Variants in TRIM67 observed in about 807,000 individuals in gnomAD.
TRIM67 encodes tripartite motif containing 67, also known as tripartite motif-containing protein 67.
In TRIM67, 39 loss-of-function variants were observed where a neutral mutation model predicts 71.0. The observed-to-expected ratio is 0.55, with a 90% CI of 0.43 to 0.72. TRIM67 has a LOEUF of 0.72. Ranked by LOEUF, TRIM67 falls within the 30% of genes least tolerant of loss-of-function variation. The pLI is 0.00. For missense variants in TRIM67, 973 were observed against 1,079.2 expected, an observed-to-expected ratio of 0.90 and a Z score of 1.38; for synonymous variants, 481 against 473.9, an observed-to-expected ratio of 1.01 and a Z score of -0.19.
chr1:231,163,973 A>G lies in TRIM67; in HGVS notation c.1004A>G (p.His335Arg), dbSNP rs1326731894. ...CTGGAGGAGGGCCGGCACGCCAAGC[A>G]CGAGGTGAAGCCGCTGGGGGCCATG... ...LCLEEGRHAK[H>R]EVKPLGAMWK... Residue 335 changes from histidine to arginine, a missense_variant, in exon 1 of 10, where the codon CAC becomes CGC. His to Arg is a conservative substitution (Grantham distance 29). Around this residue, in one of 2 missense-constraint regions of TRIM67, gnomAD observed 795 missense variants for 831.3 expected, o/e 0.96. Transcript: ENST00000366653. 2.5e-6 allele frequency: 4 copies of G among 1,581,874 alleles called. No homozygotes were observed. The South Asian group carries it at 4.7e-5, about 18-fold the overall frequency.
In TRIM67 at chr1:231,216,716, A is replaced by C; in HGVS notation, c.*1276A>C. ...TGTGAGACTGGGTGTGCCGAGTCTG[A>C]CCTGCCAGGGCAGGACTCTGGAAAC... On this transcript the variant is annotated 3_prime_UTR_variant, in exon 10 of 10. Coordinates refer to ENST00000366653, the MANE Select transcript of TRIM67 (RefSeq NM_001004342.5). 1 of 985,478 alleles carries C rather than the reference A, an allele frequency of 1.0e-6. No homozygotes were observed. Among genetic ancestry groups the C allele is most frequent in the South Asian group, 4.7e-5 (1 of 21,284 alleles). The allele number at this position is 985,478 out of a possible 1,614,324, so 61.0% of individuals were successfully genotyped here.
At position 231,209,620 on chromosome 1, in the gene TRIM67, A is replaced by C. The variant is rs1252684024; in HGVS notation, c.2123+370A>C. Among the ~76,000 whole-genome samples the C allele has an allele frequency of 6.6e-6, 1 of 152,176 alleles. No individual in the cohort carries two copies. Among genetic ancestry groups the C allele is most frequent in the East Asian group, 1.9e-4 (1 of 5,178 alleles). ...TTGCTGCAGGGTGTTAATGGGCACC[A>C]CTGGGGCTGGTGTCCTCACAGCTGT... is the stretch of plus-strand genomic sequence containing the variant. On this transcript the variant is annotated intron_variant, in intron 8 of 9. Transcript: ENST00000366653. The surrounding 1 kb of genome is among the most constrained non-coding windows in gnomAD (Gnocchi z 4.1).
At chr1:231,213,032 G>A (rs1369508897) in intron 8 of TRIM67, among the ~76,000 whole-genome samples, 1 of 152,116 alleles carries the variant, frequency 6.6e-6, no homozygotes, top group Non-Finnish European at 1.5e-5. Flanking sequence ...GGATGTTTCT[G>A]GGAAGATGAG....
intron 4 of TRIM67, 56 bp downstream of exon 4, chr1:231,200,314 C>T: frequency 1.8e-6 from 2 of 1,110,898 alleles, no homozygotes; most frequent in East Asian, 2.4e-5. Context: ...CCCACTGTTC[C>T]CCAAATCAGC....
chr1:231,165,007 G>T (rs549888769), intron 1 of TRIM67, among the ~76,000 whole-genome samples: 3 of 152,158 alleles, frequency 2.0e-5, no homozygotes, highest in African/African-American at 7.2e-5. Context: ...TAATACATAT[G>T]AAAAAAAGAT....
chr1:231,193,800 C>A (rs974226493), intron 1 of TRIM67, among the ~76,000 whole-genome samples: 2 of 152,052 alleles, frequency 1.3e-5, no homozygotes, highest in Non-Finnish European at 2.9e-5. Context: ...GAGGAGGGAG[C>A]TGCCAGGCTC....
In TRIM67 at chr1:231,179,025, G is replaced by A. The variant is rs1008888441; in HGVS notation, c.1044+15012G>A. On this transcript the variant is annotated intron_variant, in intron 1 of 9. Transcript: ENST00000366653. ...TATATGTAAGGGTATGTATTAGGAG[G>A]TAAAGCTGTACATAATGTATTTGTT... Among the ~76,000 whole-genome samples, 4 of 152,220 alleles carry A rather than the reference G, an allele frequency of 2.6e-5. No individual in the cohort carries two copies. In the South Asian group the frequency reaches 6.2e-4, roughly 24 times the overall value.
intron 1 of TRIM67, among the ~76,000 whole-genome samples, chr1:231,192,931 CTG>C (rs1683271728): frequency 6.6e-6 from 1 of 152,258 alleles, no homozygotes; most frequent in Non-Finnish European, 1.5e-5. Flanking sequence ...CAAAACCACT[CTG>C]TTTTTGGGCT....
At chr1:231,214,044 T>A in intron 9 of TRIM67, 67 bp downstream of exon 9, 1 of 1,497,170 alleles carries the variant, frequency 6.7e-7, no homozygotes, top group Non-Finnish European at 8.9e-7. Flanking sequence ...GTCTCTGCAG[T>A]GCCCTTGGGC....
Position 231,216,281 on chromosome 1 carries a change from T to TTC in TRIM67, c.*854_*855dup, listed in dbSNP as rs147410325. 16 of 974,702 alleles carry TTC rather than the reference T, an allele frequency of 1.6e-5. No homozygotes were observed. The highest frequency in any genetic ancestry group is 1.8e-5 in the African/African-American group (1 of 56,834). The allele number at this position is 974,702 out of a possible 1,614,324, so 60.4% of individuals were successfully genotyped here. On this transcript the variant is annotated 3_prime_UTR_variant, in exon 10 of 10. Transcript: ENST00000366653. Reference sequence around the variant, plus strand: ...TCTTTCGCTCTCTTTCCCTCCCTCCTTCTCTCTCTCTCTCACACACACACA... The same window carrying TTC: ...TCTTTCGCTCTCTTTCCCTCCCTCCTTCTCTCTCTCTCTCTCACACACACACA...
chr1:231,182,758 A>G (rs1413679887), intron 1 of TRIM67, among the ~76,000 whole-genome samples: 1 of 152,162 alleles, frequency 6.6e-6, no homozygotes, highest in Non-Finnish European at 1.5e-5. Context: ...GGAGGCATGG[A>G]TTTCCCAATT....
In TRIM67 at chr1:231,215,556, C is replaced by T; in HGVS notation, c.*116C>T. The T allele has an allele frequency of 1.4e-6, 2 of 1,444,776 alleles. No individual in the cohort carries two copies. The highest frequency in any genetic ancestry group is 9.2e-7 in the Non-Finnish European group (1 of 1,091,436). 89.5% of individuals were successfully genotyped at this position (1,444,776 alleles called of 1,614,324 possible). On this transcript the variant is annotated 3_prime_UTR_variant, in exon 10 of 10. Coordinates refer to ENST00000366653, the MANE Select transcript of TRIM67 (RefSeq NM_001004342.5). ...CAGGATATGCAAATCATGGGTGCAA[C>T]CTGGCAGCGTGGAGTGTCATAGAAA...
rs1306177718 is a variant in TRIM67 at position 231,221,293 on chromosome 1, CGTT to C, written c.*5858_*5860del. ...CCCATCACATCCACTTTCGGTCACT[CGTT>C]GTTGGTATTTGGTGGCAGCTCTTGG... is the stretch of plus-strand genomic sequence containing the variant. On this transcript the variant is annotated 3_prime_UTR_variant, in exon 10 of 10. Coordinates refer to ENST00000366653, the MANE Select transcript of TRIM67 (RefSeq NM_001004342.5). The C allele has an allele frequency of 6.5e-6, 1 of 152,740 alleles. No homozygotes were observed. The highest frequency in any genetic ancestry group is 1.9e-4 in the East Asian group (1 of 5,178). The allele number at this position is 152,740 out of a possible 1,614,324, so 9.5% of individuals were successfully genotyped here. A position where few individuals can be genotyped will look rare whatever the true frequency, so the allele number is the denominator to read the frequency against.
intron 1 of TRIM67, among the ~76,000 whole-genome samples, chr1:231,170,185 C>T (rs1030251250): frequency 6.6e-6 from 1 of 152,006 alleles, no homozygotes; most frequent in Admixed American, 6.6e-5. Context: ...GGGGTTTCCC[C>T]GTGTTGGTCA....
At position 231,163,559 on chromosome 1, in the gene TRIM67, CG is replaced by C; in HGVS notation, c.594del (p.Thr199ArgfsTer118). 1.3e-6 allele frequency: 2 copies of C among 1,512,472 alleles called. No homozygotes were observed. Among genetic ancestry groups the C allele is most frequent in the Admixed American group, 2.1e-5 (1 of 48,762 alleles). 93.7% of individuals were successfully genotyped at this position (1,512,472 alleles called of 1,614,324 possible). ...QRYQQGRGAV[P>X]GTSAAAAVAI... ...TACCAGCAGGGCCGCGGGGCCGTGCCGGGGACGTCTGCAGCCGCGGCGGTGG... is the reference window on the plus strand; with the variant it reads ...TACCAGCAGGGCCGCGGGGCCGTGCCGGGACGTCTGCAGCCGCGGCGGTGG... On this transcript the variant is annotated frameshift_variant, in exon 1 of 10. Coordinates refer to ENST00000366653, the MANE Select transcript of TRIM67 (RefSeq NM_001004342.5). LOFTEE classifies it high-confidence loss of function.
intron 1 of TRIM67, among the ~76,000 whole-genome samples, chr1:231,179,977 C>T (rs1287115022): frequency 5.9e-5 from 9 of 152,136 alleles, no homozygotes; most frequent in Non-Finnish European, 1.2e-4. Context: ...TTTTCATCCT[C>T]TCAACTTTCT....
At chr1:231,198,772 T>A (rs1683441985) in intron 2 of TRIM67, among the ~76,000 whole-genome samples, 5 of 152,208 alleles carry the variant, frequency 3.3e-5, no homozygotes. Flanking sequence ...CTTTTTTTCT[T>A]TCTTAACAGT....
intron 1 of TRIM67, chr1:231,185,297 G>A: frequency 7.6e-7 from 1 of 1,316,884 alleles, no homozygotes; most frequent in Non-Finnish European, 1.0e-6. Flanking sequence ...CTCCTACACT[G>A]GAGGGATCTG....
rs1684007318 is a variant in TRIM67, at chr1:231,216,114, C to G, written c.*674C>G. The G allele has an allele frequency of 1.0e-6, 1 of 984,868 alleles. No individual in the cohort carries two copies. Among genetic ancestry groups the G allele is most frequent in the Non-Finnish European group, 1.2e-6 (1 of 829,602 alleles). 61.0% of individuals were successfully genotyped at this position (984,868 alleles called of 1,614,324 possible). ...AATCAGCCAATTGTGTTCTCTCTCT[C>G]TCTTCCTCCATCCTTCATTTCTTCT... On this transcript the variant is annotated 3_prime_UTR_variant, in exon 10 of 10. Coordinates refer to ENST00000366653, the MANE Select transcript of TRIM67 (RefSeq NM_001004342.5).
Sources: gnomAD v4.1 joint callset for allele counts (sites outside exome capture counted in the v4.1 genomes callset) on GRCh38, gnomAD v4.1.1 for gene constraint, gnomAD v4.1.1 regional missense constraint, Gnocchi (gnomAD v3.1) non-coding constraint, MANE v1.5 for transcripts, NCBI Gene and HGNC (gene_info 2026-07-23, HGNC 2026-07-21) for gene names.